KDM4C: variants seen among roughly 807,000 people sequenced by gnomAD.
KDM4C encodes the protein lysine-specific demethylase 4C.
KDM4C carries 81 observed loss-of-function variants against 129.3 expected under a neutral mutation model. The ratio of observed to expected loss-of-function variants is 0.63; its 90% CI spans 0.52 to 0.75. The LOEUF (loss-of-function observed/expected upper bound fraction) is 0.75. KDM4C is among the 30% of genes least tolerant of loss of function. KDM4C has a pLI of 0.00. For missense variants in KDM4C, 1,457 were observed against 1,304.0 expected (o/e 1.12, Z -1.81); for synonymous variants, 573 against 456.1 (o/e 1.26, Z -3.26).
intron 15 of KDM4C, among the ~76,000 whole-genome samples, chr9:7,036,057 T>C (rs1259819659): frequency 2.0e-5 from 3 of 152,210 alleles, no homozygotes; most frequent in African/African-American, 7.2e-5. Context: ...TTGCATTGAA[T>C]CTGTAGATTG....
At chr9:7,120,755 G>A (rs1266093998) in intron 18 of KDM4C, among the ~76,000 whole-genome samples, 4 of 152,190 alleles carry the variant, frequency 2.6e-5, no homozygotes, top group Non-Finnish European at 5.9e-5. Flanking sequence ...CAAAGTGTTC[G>A]TTCTCTCAAG....
intron 1 of KDM4C, among the ~76,000 whole-genome samples, chr9:6,785,990 A>C (rs1343412933): frequency 6.6e-6 from 1 of 152,214 alleles, no homozygotes; most frequent in African/African-American, 2.4e-5. Context: ...TTAGGTTCCT[A>C]GAGGGCTGTG....
In KDM4C at chr9:7,035,335, A is replaced by ATT. The variant is rs112264338; in HGVS notation, c.2260-11516_2260-11515dup. On this transcript the variant is annotated intron_variant, in intron 15 of 21. Transcript: ENST00000381309. ...GGCCATTTGCCCATTCTTAAATCAG[A>ATT]TTTTTTTTTTTTCTGTTGAGATGTT... is the stretch of plus-strand genomic sequence containing the variant. Among the ~76,000 whole-genome samples the ATT allele has an allele frequency of 3.1e-3, 264 of 84,686 alleles. 14 individuals carry two copies. The highest frequency in any genetic ancestry group is 8.0e-3 in the African/African-American group (234 of 29,406). The allele number at this position is 84,686 out of a possible 152,430, so 55.6% of individuals were successfully genotyped here.
chr9:6,958,539 A>G (rs1315265766), intron 8 of KDM4C, among the ~76,000 whole-genome samples: 1 of 151,916 alleles, frequency 6.6e-6, no homozygotes, highest in Non-Finnish European at 1.5e-5. Context: ...GTGAGCCGAG[A>G]TCGCGCCATT....
chr9:6,805,881 A>G (rs1829876850), intron 3 of KDM4C, 107 bp downstream of exon 3: 9 of 1,031,414 alleles, frequency 8.7e-6, no homozygotes, highest in Admixed American at 3.1e-5. Context: ...GGAGTCTCCC[A>G]TGCAATTTTT....
chr9:6,984,121 C>A, intron 9 of KDM4C, 45 bp from the exon 10 acceptor site: 1 of 1,212,020 alleles, frequency 8.3e-7, no homozygotes, highest in South Asian at 1.3e-5. Context: ...TTTTTCATAT[C>A]CATTGCAGAC....
At chr9:6,865,072 G>A (rs866632896) in intron 5 of KDM4C, among the ~76,000 whole-genome samples, 8 of 145,072 alleles carry the variant, frequency 5.5e-5, no homozygotes, top group South Asian at 2.1e-4. Flanking sequence ...GCAGTGACGC[G>A]ATCTCGGCTC....
chr9:7,074,808 C>G (rs1833698466), intron 17 of KDM4C, among the ~76,000 whole-genome samples: 2 of 152,232 alleles, frequency 1.3e-5, no homozygotes, highest in Admixed American at 1.3e-4. Flanking sequence ...GTGAGCCTAC[C>G]TACCCATCCA....
At chr9:7,135,938 C>A (rs1587820284) in intron 19 of KDM4C, among the ~76,000 whole-genome samples, 1 of 152,180 alleles carries the variant, frequency 6.6e-6, no homozygotes, top group East Asian at 1.9e-4. Context: ...CACACTGATG[C>A]AGTTATACTC....
At chr9:6,756,952 A>C (rs564021675), upstream of KDM4C, among the ~76,000 whole-genome samples, 3 of 152,324 alleles carry the variant, frequency 2.0e-5, no homozygotes, top group South Asian at 6.2e-4. Flanking sequence ...AACTTTGCTC[A>C]CTGGTGTGAA....
At chr9:7,074,654 C>T (rs1046723384) in intron 17 of KDM4C, among the ~76,000 whole-genome samples, 1 of 152,120 alleles carries the variant, frequency 6.6e-6, no homozygotes, top group Non-Finnish European at 1.5e-5. Flanking sequence ...TTCCAGGCAT[C>T]TTATTAAATT....
intron 17 of KDM4C, among the ~76,000 whole-genome samples, chr9:7,082,390 C>G (rs373987659): frequency 1.3e-5 from 2 of 152,150 alleles, no homozygotes; most frequent in East Asian, 3.9e-4. Context: ...AATACTGTGA[C>G]CAAGGTAAGG....
At chr9:7,067,711 A>C (rs1290618850) in intron 17 of KDM4C, among the ~76,000 whole-genome samples, 2 of 152,170 alleles carry the variant, frequency 1.3e-5, no homozygotes, top group African/African-American at 4.8e-5. Flanking sequence ...TTAAAAACCG[A>C]AGTGTATAAA....
intron 1 of KDM4C, chr9:6,727,278 C>A (rs963873924): frequency 4.6e-5 from 7 of 151,414 alleles, no homozygotes; most frequent in Admixed American, 1.3e-4. Context: ...TGGAGAAACC[C>A]CGTCTCTACT....
rs552236737 is a variant in KDM4C at position 7,011,059 on chromosome 9, G to T, written c.1787-639G>T. 7.9e-5 allele frequency among the ~76,000 whole-genome samples: 12 copies of T among 152,062 alleles called. No individual in the cohort carries two copies. In the South Asian group the frequency reaches 2.5e-3, roughly 32 times the overall value. On this transcript the variant is annotated intron_variant, in intron 12 of 21. Coordinates refer to ENST00000381309, the MANE Select transcript of KDM4C (RefSeq NM_015061.6). ...AACTCCATCTTAAAAAAGAAAAAAA[G>T]AAAGAAAAAGAAATATACATTTTAA...
intron 8 of KDM4C, among the ~76,000 whole-genome samples, chr9:6,928,309 C>G (rs1252044814): frequency 6.6e-6 from 1 of 152,210 alleles, no homozygotes; most frequent in African/African-American, 2.4e-5. Flanking sequence ...CTGAACTCGC[C>G]CCTCTTTCTT....
At chr9:7,109,453 G>A (rs1032992990) in intron 18 of KDM4C, among the ~76,000 whole-genome samples, 1 of 152,132 alleles carries the variant, frequency 6.6e-6, no homozygotes, top group African/African-American at 2.4e-5. Context: ...CCTGATTCTG[G>A]TTTATACATT....
chr9:7,077,942 A>G (rs1358532148), intron 17 of KDM4C, among the ~76,000 whole-genome samples: 1 of 152,132 alleles, frequency 6.6e-6, no homozygotes, highest in Non-Finnish European at 1.5e-5. Flanking sequence ...GGGATCAAAG[A>G]CCTCCAGGTT....
chr9:7,043,451 A>T (rs937757930), intron 15 of KDM4C, among the ~76,000 whole-genome samples: 2 of 152,056 alleles, frequency 1.3e-5, no homozygotes, highest in Non-Finnish European at 2.9e-5. Context: ...TAGAGTTATC[A>T]ATTCTGTTCT....
Sources: gnomAD v4.1 joint callset for allele counts (sites outside exome capture counted in the v4.1 genomes callset) on GRCh38, gnomAD v4.1.1 for gene constraint, MANE v1.5 for transcripts, NCBI Gene and HGNC (gene_info 2026-07-23, HGNC 2026-07-21) for gene names.